The following TDRP variants were observed in gnomAD, a reference collection of about 807,000 sequenced individuals.
The protein encoded by TDRP is testis development related protein.
A neutral mutation model predicts 10.5 loss-of-function variants in TDRP; 12 were observed. The ratio of observed to expected loss-of-function variants is 1.15; its 90% CI spans 0.73 to 1.86. The LOEUF (loss-of-function observed/expected upper bound fraction) is 1.86. TDRP is among the 40% of genes most tolerant of loss of function. The pLI, the probability that TDRP is intolerant of heterozygous loss-of-function variation, is 0.00. For missense variants in TDRP, 353 were observed against 229.2 expected (o/e 1.54, Z -3.49); for synonymous variants, 139 against 95.4 (o/e 1.46, Z -2.67).
chr8:533,830 C>T (rs1294695075), intron 1 of TDRP, among the ~76,000 whole-genome samples: 1 of 152,166 alleles, frequency 6.6e-6, no homozygotes, highest in Non-Finnish European at 1.5e-5. Context: ...TCTTTCCTCG[C>T]AATGTTCTAG....
chr8:522,260 G>A (rs1480875994), intron 1 of TDRP, among the ~76,000 whole-genome samples: 1 of 152,104 alleles, frequency 6.6e-6, no homozygotes, highest in African/African-American at 2.4e-5. Context: ...ATATCTTCCT[G>A]GTGAACTGGC....
chr8:528,188 G>C (rs373028004), intron 1 of TDRP, among the ~76,000 whole-genome samples: 4 of 152,178 alleles, frequency 2.6e-5, no homozygotes, highest in Non-Finnish European at 4.4e-5. Flanking sequence ...TCAGAGGAAT[G>C]CAAGTCAAAA....
chr8:543,336 A>G (rs12544605), intron 1 of TDRP, among the ~76,000 whole-genome samples: 37,175 of 152,008 alleles, frequency 0.24, 5,133 homozygotes, highest in East Asian at 0.45. Flanking sequence ...AAAACTTAAG[A>G]AAAAAAAGTG....
intron 1 of TDRP, among the ~76,000 whole-genome samples, chr8:541,215 T>C (rs1029063860): frequency 1.3e-5 from 2 of 152,218 alleles, no homozygotes; most frequent in African/African-American, 4.8e-5. Flanking sequence ...AAGACTAATC[T>C]GTCATAATTA....
At chr8:545,230 C>CT (rs1802621248), upstream of TDRP, among the ~76,000 whole-genome samples, 1 of 141,164 alleles carries the variant, frequency 7.1e-6, no homozygotes, top group Non-Finnish European at 1.6e-5. Flanking sequence ...ACCCCGTCAC[C>CT]TGGTCCCCCC....
chr8:492,056 C>T lies in TDRP; in HGVS notation c.*343G>A. 8.8e-7 allele frequency: 1 copy of T among 1,139,866 alleles called. No individual in the cohort carries two copies. Among genetic ancestry groups the T allele is most frequent in the East Asian group, 4.6e-5 (1 of 21,514 alleles). The allele number at this position is 1,139,866 out of a possible 1,614,324, so 70.6% of individuals were successfully genotyped here. A position where few individuals can be genotyped will look rare whatever the true frequency, so the allele number is the denominator to read the frequency against. On this transcript the variant is annotated 3_prime_UTR_variant, in exon 3 of 3. Coordinates refer to ENST00000324079, the MANE Select transcript of TDRP (RefSeq NM_001384899.1). ...AAGGTACGGAAGTTCTGAAACAGAA[C>T]TACAACACAGAGCAGCATGAAAATC...
upstream of TDRP, chr8:545,749 G>A (rs1802636278): frequency 6.6e-6 from 1 of 152,058 alleles, no homozygotes; most frequent in African/African-American, 2.4e-5. Context: ...TGGGGCCGCT[G>A]GGGCCTGGGG....
At chr8:515,163 A>G (rs183911185) in intron 1 of TDRP, among the ~76,000 whole-genome samples, 58 of 152,316 alleles carry the variant, frequency 3.8e-4, no homozygotes, top group Middle Eastern at 6.8e-3. Flanking sequence ...TGTTCTGTGC[A>G]CAGCCAGAGA....
intron 1 of TDRP, among the ~76,000 whole-genome samples, chr8:497,963 G>T (rs1448666645): frequency 6.6e-6 from 1 of 152,170 alleles, no homozygotes; most frequent in African/African-American, 2.4e-5. Flanking sequence ...GTACACAGAA[G>T]GCAGGAGTTT....
chr8:509,777 C>T (rs963836487), intron 1 of TDRP, among the ~76,000 whole-genome samples: 1 of 152,188 alleles, frequency 6.6e-6, no homozygotes, highest in East Asian at 1.9e-4. Flanking sequence ...ATTTCTCCCC[C>T]AAAAATAGCT....
intron 1 of TDRP, among the ~76,000 whole-genome samples, chr8:519,377 G>C (rs890967477): frequency 6.6e-5 from 10 of 152,160 alleles, no homozygotes; most frequent in African/African-American, 2.2e-4. Context: ...ACATGACAGA[G>C]AGTCATGGGA....
At chr8:526,444 T>G (rs955671658) in intron 1 of TDRP, among the ~76,000 whole-genome samples, 1 of 152,216 alleles carries the variant, frequency 6.6e-6, no homozygotes, top group Non-Finnish European at 1.5e-5. Context: ...TTTTATCAAG[T>G]GCTTTTTCAG....
In TDRP at chr8:490,546, C is replaced by T. The variant is rs551123251; in HGVS notation, c.*1853G>A. ...GAGTTTCAAACACAGTGTTTACATT[C>T]CTGCGCAGCAAGACCATGTTAGCCA... is the stretch of plus-strand genomic sequence containing the variant. On this transcript the variant is annotated 3_prime_UTR_variant, in exon 3 of 3. Coordinates refer to ENST00000324079, the MANE Select transcript of TDRP (RefSeq NM_001384899.1). 9.2e-5 allele frequency: 14 copies of T among 152,338 alleles called. No homozygotes were observed. The highest frequency in any genetic ancestry group is 7.8e-4 in the Admixed American group (12 of 15,302). The allele number at this position is 152,338 out of a possible 1,614,324, so 9.4% of individuals were successfully genotyped here. A position where few individuals can be genotyped will look rare whatever the true frequency, so the allele number is the denominator to read the frequency against.
rs34953428 is a variant in TDRP, at chr8:541,311, C to G, written c.108+3339G>C. ...AATAAAGTAACATAAAAACCACAGT[C>G]AAAATTCACAACTAGCACATAACTG... On this transcript the variant is annotated intron_variant, in intron 1 of 2. Transcript: ENST00000324079. 5.0e-3 allele frequency among the ~76,000 whole-genome samples: 761 copies of G among 152,236 alleles called. 3 individuals carry two copies. The highest frequency in any genetic ancestry group is 0.01 in the Middle Eastern group (3 of 294).
Position 491,972 on chromosome 8 carries a change from T to G in TDRP, c.*427A>C. On this transcript the variant is annotated 3_prime_UTR_variant, in exon 3 of 3. Coordinates refer to ENST00000324079, the MANE Select transcript of TDRP (RefSeq NM_001384899.1). ...GATTCATCTTACCTCCTGACTAATTTTCTAGCAAAAGAAAAGAACTGCATG... is the reference window on the plus strand; with the variant it reads ...GATTCATCTTACCTCCTGACTAATTGTCTAGCAAAAGAAAAGAACTGCATG... 1 of 1,116,690 alleles carries G rather than the reference T, an allele frequency of 9.0e-7. No individual in the cohort carries two copies. The highest frequency in any genetic ancestry group is 1.6e-5 in the African/African-American group (1 of 61,590). The allele number at this position is 1,116,690 out of a possible 1,614,324, so 69.2% of individuals were successfully genotyped here.
chr8:544,047 T>C (rs889386476), intron 1 of TDRP, among the ~76,000 whole-genome samples: 52 of 152,228 alleles, frequency 3.4e-4, no homozygotes, highest in African/African-American at 1.2e-3. Context: ...GGTAAAGGCC[T>C]TTCAGTTTTC....
intron 1 of TDRP, among the ~76,000 whole-genome samples, chr8:534,424 T>C (rs1204728970): frequency 6.6e-6 from 1 of 152,188 alleles, no homozygotes; most frequent in Non-Finnish European, 1.5e-5. Context: ...GATGCCTGCT[T>C]TAATACCTGC....
chr8:506,633 G>A (rs574660134), intron 1 of TDRP, among the ~76,000 whole-genome samples: 9 of 152,292 alleles, frequency 5.9e-5, no homozygotes, highest in Admixed American at 1.3e-4. Context: ...AAGCTGATAC[G>A]ACTCCCCACT....
chr8:498,173 G>C (rs1380179844), intron 1 of TDRP, among the ~76,000 whole-genome samples: 2 of 152,174 alleles, frequency 1.3e-5, no homozygotes, highest in Non-Finnish European at 2.9e-5. Flanking sequence ...CGTCTTCTCA[G>C]AATGGTAGAT....
Sources: gnomAD v4.1 joint callset for allele counts (sites outside exome capture counted in the v4.1 genomes callset) on GRCh38, gnomAD v4.1.1 for gene constraint, MANE v1.5 for transcripts, NCBI Gene and HGNC (gene_info 2026-07-23, HGNC 2026-07-21) for gene names.